The following CTNNA2 variants were observed in gnomAD, a reference collection of about 807,000 sequenced individuals.
The protein encoded by CTNNA2 is catenin alpha-2.
A neutral mutation model predicts 101.0 loss-of-function variants in CTNNA2; 42 were observed. The ratio of observed to expected loss-of-function variants is 0.42; its 90% CI spans 0.32 to 0.54. CTNNA2 has a LOEUF of 0.54. Ranked by LOEUF, CTNNA2 falls within the 20% of genes least tolerant of loss-of-function variation. The probability of loss-of-function intolerance (pLI) is 0.14; values close to 1 mark genes in which losing one functional copy is unlikely to be tolerated. For missense variants in CTNNA2, 871 were observed against 1,223.1 expected (o/e 0.71, Z 4.29); for synonymous variants, 450 against 456.4 (o/e 0.99, Z 0.18).
intron 1 of CTNNA2, among the ~76,000 whole-genome samples, chr2:79,558,047 G>C (rs993589025): frequency 6.6e-6 from 1 of 151,922 alleles, no homozygotes; most frequent in Non-Finnish European, 1.5e-5. Context: ...CGTTCACAAA[G>C]AGACACTTCC....
chr2:79,785,315 T>G (rs1326987299), intron 3 of CTNNA2, among the ~76,000 whole-genome samples: 1 of 152,174 alleles, frequency 6.6e-6, no homozygotes, highest in Non-Finnish European at 1.5e-5. Flanking sequence ...ATCCCTTCTT[T>G]CTGGGCTCCA....
At chr2:80,041,125 A>G (rs1442461532) in intron 7 of CTNNA2, among the ~76,000 whole-genome samples, 1 of 152,146 alleles carries the variant, frequency 6.6e-6, no homozygotes, top group African/African-American at 2.4e-5. Flanking sequence ...ACCAATATAT[A>G]TTTATGATAC....
chr2:80,476,326 T>G (rs1360055221), intron 9 of CTNNA2, among the ~76,000 whole-genome samples: 2 of 152,138 alleles, frequency 1.3e-5, no homozygotes, highest in East Asian at 3.9e-4. Flanking sequence ...AAGACCCAAA[T>G]GGCAGATGAG....
intron 7 of CTNNA2, among the ~76,000 whole-genome samples, chr2:80,275,858 C>T (rs985858374): frequency 6.6e-6 from 1 of 152,108 alleles, no homozygotes; most frequent in African/African-American, 2.4e-5. Flanking sequence ...TCAGAATTTA[C>T]TTAATGACAT....
chr2:80,001,469 A>G (rs1452608347), intron 7 of CTNNA2, among the ~76,000 whole-genome samples: 2 of 152,232 alleles, frequency 1.3e-5, no homozygotes, highest in Non-Finnish European at 2.9e-5. Flanking sequence ...CTTGATCTCA[A>G]AACAAACCTT....
At chr2:80,395,054 C>T (rs984260860) in intron 8 of CTNNA2, among the ~76,000 whole-genome samples, 10 of 152,018 alleles carry the variant, frequency 6.6e-5, no homozygotes, top group Non-Finnish European at 7.4e-5. Flanking sequence ...ATTATTATTA[C>T]TAGAAATGAA....
At chr2:80,574,335 T>C in intron 13 of CTNNA2, 21 bp downstream of exon 13, 1 of 1,566,558 alleles carries the variant, frequency 6.4e-7, no homozygotes, top group African/African-American at 1.4e-5. Flanking sequence ...CCTCTGTAGC[T>C]CAGAGCTGGT....
At chr2:80,352,877 T>G (rs1426934527) in intron 7 of CTNNA2, among the ~76,000 whole-genome samples, 1 of 151,918 alleles carries the variant, frequency 6.6e-6, no homozygotes, top group East Asian at 1.9e-4. Context: ...GATCCTCCAC[T>G]GTAATTTCCC....
At chr2:80,224,662 T>C (rs151320391) in intron 7 of CTNNA2, among the ~76,000 whole-genome samples, 64 of 152,110 alleles carry the variant, frequency 4.2e-4, no homozygotes, top group African/African-American at 1.4e-3. Flanking sequence ...GCCAGGATGG[T>C]CTCAATCTCC....
chr2:79,339,373 C>T (rs995717819), intron 3 of CTNNA2, among the ~76,000 whole-genome samples: 1 of 152,102 alleles, frequency 6.6e-6, no homozygotes, highest in African/African-American at 2.4e-5. Flanking sequence ...GAAGTAACAT[C>T]ACAGGGTCAG....
intron 3 of CTNNA2, among the ~76,000 whole-genome samples, chr2:79,841,452 T>A (rs73941331): frequency 0.011 from 1,619 of 152,330 alleles, 18 homozygotes; most frequent in African/African-American, 0.038. Context: ...AAGTTCTAAC[T>A]GAAAAGGACT....
At chr2:79,910,044 C>T (rs1685679214) in intron 7 of CTNNA2, among the ~76,000 whole-genome samples, 2 of 152,042 alleles carry the variant, frequency 1.3e-5, no homozygotes, top group African/African-American at 2.4e-5. Context: ...TTTTACTTGG[C>T]TGATTTCTTC....
At chr2:79,219,304 C>T (rs1476143806) in intron 2 of CTNNA2, among the ~76,000 whole-genome samples, 2 of 152,080 alleles carry the variant, frequency 1.3e-5, no homozygotes, top group East Asian at 1.9e-4. Flanking sequence ...CTAAAGCCTC[C>T]ACTCTTTTTA....
intron 2 of CTNNA2, among the ~76,000 whole-genome samples, chr2:79,706,437 A>T (rs1447573130): frequency 6.6e-6 from 1 of 151,850 alleles, no homozygotes; most frequent in Admixed American, 6.6e-5. Context: ...ACTTGAGGGT[A>T]AATGTGGGTT....
intron 7 of CTNNA2, among the ~76,000 whole-genome samples, chr2:80,268,837 T>G (rs1026830773): frequency 2.6e-5 from 4 of 152,146 alleles, no homozygotes; most frequent in Non-Finnish European, 5.9e-5. Flanking sequence ...CACTATATAG[T>G]CCAAGGCCAG....
At chr2:79,328,110 T>C (rs1676788212) in intron 3 of CTNNA2, among the ~76,000 whole-genome samples, 1 of 152,188 alleles carries the variant, frequency 6.6e-6, no homozygotes, top group Non-Finnish European at 1.5e-5. Context: ...AGGCCCACTA[T>C]GTATCTCCTT....
intron 7 of CTNNA2, among the ~76,000 whole-genome samples, chr2:80,325,676 T>A (rs968364268): frequency 2.6e-5 from 4 of 152,202 alleles, no homozygotes; most frequent in Non-Finnish European, 5.9e-5. Flanking sequence ...GGCTGATTAA[T>A]CAGGCCATTA....
intron 1 of CTNNA2, among the ~76,000 whole-genome samples, chr2:79,536,476 C>T (rs72921183): frequency 0.022 from 3,398 of 151,888 alleles, 134 homozygotes; most frequent in African/African-American, 0.079. Context: ...CTTAAAATTG[C>T]GAAACTGTGG....
intron 7 of CTNNA2, among the ~76,000 whole-genome samples, chr2:80,003,158 G>C (rs1421836073): frequency 6.6e-6 from 1 of 152,134 alleles, no homozygotes; most frequent in African/African-American, 2.4e-5. Context: ...TGGACACTGT[G>C]CCACCAGGAC....
Sources: gnomAD v4.1 joint callset for allele counts (sites outside exome capture counted in the v4.1 genomes callset) on GRCh38, gnomAD v4.1.1 for gene constraint, MANE v1.5 for transcripts, NCBI Gene and HGNC (gene_info 2026-07-23, HGNC 2026-07-21) for gene names.